RBFOX1: variants seen among roughly 807,000 people sequenced by gnomAD.
RBFOX1 encodes the protein RNA binding fox-1 homolog 1.
In RBFOX1, 8 loss-of-function variants were observed where a neutral mutation model predicts 57.7. That is an observed-to-expected ratio of 0.14 (90% CI 0.08 to 0.25). RBFOX1 has a LOEUF of 0.25. RBFOX1 is among the 10% of genes least tolerant of loss of function. The pLI is 1.00. For missense variants in RBFOX1, 611 were observed against 548.5 expected (o/e 1.11, Z -1.14); for synonymous variants, 326 against 222.4 (o/e 1.47, Z -4.15).
At chr16:7,003,840 C>G (rs1054196339) in intron 3 of RBFOX1, among the ~76,000 whole-genome samples, 2 of 152,130 alleles carry the variant, frequency 1.3e-5, no homozygotes, top group African/African-American at 4.8e-5. Flanking sequence ...TTATAAATTG[C>G]AAAGACTCAC....
intron 3 of RBFOX1, among the ~76,000 whole-genome samples, chr16:7,002,710 CAA>C (rs1312527471): frequency 6.6e-6 from 1 of 152,072 alleles, no homozygotes; most frequent in Non-Finnish European, 1.5e-5. Context: ...GGGTCCAACT[CAA>C]AAACAAAGAA....
At position 5,789,045 on chromosome 16, in the gene RBFOX1, T is replaced by C. The variant is rs184609961; in HGVS notation, c.319-78258T>C. Among the ~76,000 whole-genome samples the C allele has an allele frequency of 1.2e-3, 179 of 152,228 alleles. 1 individual carries two copies. Among genetic ancestry groups the C allele is most frequent in the Non-Finnish European group, 2.1e-3 (143 of 68,018 alleles). On this transcript the variant is annotated intron_variant, in intron 3 of 19. Transcript: ENST00000641259. ...CAAGCAGTCCAAACTAGTGAAAAGT[T>C]TGAATGTCCTGGAGTCCTTGTGCAC...
At chr16:6,412,544 C>T (rs532361887) in intron 2 of RBFOX1, among the ~76,000 whole-genome samples, 3 of 152,322 alleles carry the variant, frequency 2.0e-5, no homozygotes, top group East Asian at 3.9e-4. Context: ...AAACTCTCAC[C>T]AATGTCTTTG....
chr16:7,104,525 G>T (rs937800324), intron 4 of RBFOX1, among the ~76,000 whole-genome samples: 2 of 152,092 alleles, frequency 1.3e-5, no homozygotes, highest in Non-Finnish European at 2.9e-5. Context: ...AAAAGCAATG[G>T]CTTACCTAAG....
intron 1 of RBFOX1, among the ~76,000 whole-genome samples, chr16:6,154,397 A>G (rs946353427): frequency 3.9e-5 from 6 of 152,260 alleles, no homozygotes; most frequent in Non-Finnish European, 7.3e-5. Context: ...ATTGTATGAC[A>G]TGTAGGCATT....
chr16:5,645,522 C>G (rs9932297), intron 3 of RBFOX1, among the ~76,000 whole-genome samples: 2,033 of 152,256 alleles, frequency 0.013, 32 homozygotes, highest in African/African-American at 0.046. Context: ...GAATGGTTCA[C>G]TTTAAAGTGC....
At chr16:5,526,070 C>T (rs1031404960) in intron 2 of RBFOX1, among the ~76,000 whole-genome samples, 2 of 152,032 alleles carry the variant, frequency 1.3e-5, no homozygotes, top group Non-Finnish European at 2.9e-5. Flanking sequence ...CCAGGCAGTG[C>T]ATGTGTAGAC....
intron 1 of RBFOX1, among the ~76,000 whole-genome samples, chr16:6,074,786 C>G (rs1018042288): frequency 6.6e-6 from 1 of 152,072 alleles, no homozygotes; most frequent in Non-Finnish European, 1.5e-5. Context: ...CGTCAGGCCT[C>G]ACGGGGAAAA....
At chr16:7,057,735 C>T (rs915904010) in intron 4 of RBFOX1, among the ~76,000 whole-genome samples, 3 of 152,152 alleles carry the variant, frequency 2.0e-5, no homozygotes, top group Non-Finnish European at 4.4e-5. Context: ...ATGCCGGGTG[C>T]AGTGACTCAC....
intron 3 of RBFOX1, among the ~76,000 whole-genome samples, chr16:5,616,839 T>G (rs1160198631): frequency 6.7e-6 from 1 of 149,064 alleles, no homozygotes; most frequent in Non-Finnish European, 1.5e-5. Context: ...CTCTTTCTTC[T>G]CCTCCTTTGC....
chr16:5,543,144 C>T (rs1204048084), intron 2 of RBFOX1, among the ~76,000 whole-genome samples: 1 of 152,064 alleles, frequency 6.6e-6, no homozygotes, highest in Non-Finnish European at 1.5e-5. Flanking sequence ...TTAACTGTAT[C>T]CCAGAACAAA....
At chr16:7,513,022 G>C (rs1364023977) in intron 4 of RBFOX1, among the ~76,000 whole-genome samples, 1 of 152,170 alleles carries the variant, frequency 6.6e-6, no homozygotes, top group Non-Finnish European at 1.5e-5. Context: ...CCAGCACTTT[G>C]GGAGGACAAG....
At chr16:6,345,670 C>G (rs1225055324) in intron 2 of RBFOX1, among the ~76,000 whole-genome samples, 1 of 152,128 alleles carries the variant, frequency 6.6e-6, no homozygotes, top group East Asian at 1.9e-4. Flanking sequence ...CGAGTTTCTC[C>G]CTTCATGGAG....
chr16:6,923,781 G>T (rs1489157623), intron 3 of RBFOX1, among the ~76,000 whole-genome samples: 1 of 152,120 alleles, frequency 6.6e-6, no homozygotes, highest in South Asian at 2.1e-4. Flanking sequence ...GTCTATTTTG[G>T]AGTCCAATAA....
At chr16:5,394,984 C>G (rs1162285223) in intron 1 of RBFOX1, among the ~76,000 whole-genome samples, 1 of 152,192 alleles carries the variant, frequency 6.6e-6, no homozygotes, top group Non-Finnish European at 1.5e-5. Context: ...TGCCCTCTGG[C>G]CTGTACCTTC....
intron 4 of RBFOX1, among the ~76,000 whole-genome samples, chr16:5,895,270 G>A (rs1484150275): frequency 2.0e-5 from 3 of 152,214 alleles, no homozygotes; most frequent in Non-Finnish European, 2.9e-5. Context: ...TGGTCCAGAT[G>A]CCTGTCTTTC....
intron 4 of RBFOX1, among the ~76,000 whole-genome samples, chr16:5,983,050 G>A (rs186234810): frequency 2.6e-5 from 4 of 152,244 alleles, no homozygotes; most frequent in South Asian, 2.1e-4. Flanking sequence ...TCATCCCAGC[G>A]CTGATGTCTG....
chr16:5,479,938 C>T (rs1463389525), intron 2 of RBFOX1, among the ~76,000 whole-genome samples: 1 of 152,074 alleles, frequency 6.6e-6, no homozygotes, highest in Non-Finnish European at 1.5e-5. Flanking sequence ...CCTTCCCTTC[C>T]TTGGTTTCTT....
chr16:5,280,002 C>G (rs1038405440), intron 1 of RBFOX1, among the ~76,000 whole-genome samples: 1 of 152,104 alleles, frequency 6.6e-6, no homozygotes, highest in Non-Finnish European at 1.5e-5. Flanking sequence ...AGTGGGTATC[C>G]TTGTCTTGTT....
Sources: allele counts gnomAD v4.1 joint callset (sites outside exome capture counted in the v4.1 genomes callset), GRCh38; gene constraint gnomAD v4.1.1; transcripts MANE v1.5; gene names NCBI Gene and HGNC (gene_info 2026-07-23, HGNC 2026-07-21).